The following NF2 variants were observed in gnomAD, a reference collection of about 807,000 sequenced individuals.
NF2 encodes merlin.
In NF2, 8 loss-of-function variants were observed where a neutral mutation model predicts 83.7. That is an observed-to-expected ratio of 0.10 (90% CI 0.06 to 0.17). NF2 has a LOEUF of 0.17. Ranked by LOEUF, NF2 falls within the 10% of genes least tolerant of loss-of-function variation. The pLI, the probability that NF2 is intolerant of heterozygous loss-of-function variation, is 1.00. For synonymous variants in NF2, 266 were observed against 269.6 expected, an observed-to-expected ratio of 0.99 and a Z score of 0.13; for missense variants, 533 against 744.4, an observed-to-expected ratio of 0.72 and a Z score of 3.31.
chr22:29,691,166 A>C (rs920470479), intron 15 of NF2, among the ~76,000 whole-genome samples: 100 of 152,206 alleles, frequency 6.6e-4, no homozygotes, highest in Non-Finnish European at 2.2e-4. Context: ...CTCATTGTGC[A>C]TGCGAGGAAT....
Position 29,610,849 on chromosome 22 carries a change from A to G in NF2, c.114+6737A>G, listed in dbSNP as rs1039558811. ...TGGTATTACCCTGTTGCCAAAAACC[A>G]GGAAAAGACATTACAAGAAAAGAAA... On this transcript the variant is annotated intron_variant, in intron 1 of 15. Coordinates refer to ENST00000338641, the MANE Select transcript of NF2 (RefSeq NM_000268.4). 2.0e-5 allele frequency among the ~76,000 whole-genome samples: 3 copies of G among 152,184 alleles called. No individual in the cohort carries two copies. In the East Asian group the frequency reaches 5.8e-4, roughly 29 times the overall value.
chr22:29,614,254 C>G (rs557696815), intron 1 of NF2, among the ~76,000 whole-genome samples: 2 of 149,608 alleles, frequency 1.3e-5, no homozygotes, highest in Admixed American at 1.3e-4. Flanking sequence ...CGAGGCTGGC[C>G]AACATGGTGA....
intron 1 of NF2, among the ~76,000 whole-genome samples, chr22:29,625,642 A>C (rs2065347470): frequency 6.6e-6 from 1 of 152,200 alleles, no homozygotes; most frequent in Admixed American, 6.5e-5. Flanking sequence ...GGACATTTTT[A>C]GCGTGTCAAA....
intron 3 of NF2, among the ~76,000 whole-genome samples, chr22:29,640,588 G>T (rs1298639536): frequency 6.6e-6 from 1 of 152,072 alleles, no homozygotes; most frequent in East Asian, 1.9e-4. Flanking sequence ...GTGCTCAAAG[G>T]TTTCAGTAAT....
chr22:29,683,788 A>C, intron 15 of NF2: 1 of 1,062,846 alleles, frequency 9.4e-7, no homozygotes, highest in South Asian at 4.6e-5. Context: ...AGGAGCGGTC[A>C]CTGGTTGCTG....
chr22:29,617,909 G>A (rs538036574), intron 1 of NF2, among the ~76,000 whole-genome samples: 4 of 152,310 alleles, frequency 2.6e-5, no homozygotes, highest in East Asian at 1.9e-4. Context: ...CTTTGGACAA[G>A]TTACATAGCT....
rs574816992 is a variant in NF2, at chr22:29,690,031, G to A, written c.1738-4721G>A. 7.2e-5 allele frequency among the ~76,000 whole-genome samples: 11 copies of A among 152,330 alleles called. No individual in the cohort carries two copies. In the East Asian group the frequency reaches 1.7e-3, roughly 24 times the overall value. ...TTTCCAGCAGGGGGCACTCAGGAAC[G>A]ATGCTGGCGGAGGCTTTGTAGCTGG... On this transcript the variant is annotated intron_variant, in intron 15 of 15. Transcript: ENST00000338641.
At position 29,694,052 on chromosome 22, in the gene NF2, C is replaced by T. The variant is rs1308145700; in HGVS notation, c.1738-700C>T. Among the ~76,000 whole-genome samples the T allele has an allele frequency of 6.6e-6, 1 of 152,226 alleles. No individual in the cohort carries two copies. Among genetic ancestry groups the T allele is most frequent in the Non-Finnish European group, 1.5e-5 (1 of 68,032 alleles). On this transcript the variant is annotated intron_variant, in intron 15 of 15. Coordinates refer to ENST00000338641, the MANE Select transcript of NF2 (RefSeq NM_000268.4). This position sits in a 1 kb window ranked among gnomAD's most constrained non-coding sequence, Gnocchi z 4.1. ...GAGCTCGGTCCCTGATCCACCCCAT[C>T]CCCTTCCACATCTCCCTGACTGTCC...
chr22:29,618,466 T>A (rs1218794929), intron 1 of NF2, among the ~76,000 whole-genome samples: 1 of 151,996 alleles, frequency 6.6e-6, no homozygotes, highest in Non-Finnish European at 1.5e-5. Context: ...ACTGCAGAGA[T>A]AGGGGGAAAA....
chr22:29,606,767 G>A (rs1224354076), intron 1 of NF2, among the ~76,000 whole-genome samples: 3 of 152,250 alleles, frequency 2.0e-5, no homozygotes, highest in East Asian at 1.9e-4. Context: ...AACATTGACC[G>A]CAGCATGGTG....
At chr22:29,644,961 G>C (rs2065943679) in intron 4 of NF2, among the ~76,000 whole-genome samples, 1 of 152,128 alleles carries the variant, frequency 6.6e-6, no homozygotes, top group Admixed American at 6.5e-5. Flanking sequence ...TGGGGAGAGG[G>C]AGAGGGAGAG....
intron 12 of NF2, 73 bp from the exon 13 acceptor site, chr22:29,674,763 C>T: frequency 7.4e-7 from 1 of 1,351,388 alleles, no homozygotes; most frequent in South Asian, 1.3e-5. Flanking sequence ...CCCTCCTCTG[C>T]AGGGGTGGGG....
At chr22:29,631,738 G>A (rs1317984597) in intron 1 of NF2, among the ~76,000 whole-genome samples, 4 of 152,152 alleles carry the variant, frequency 2.6e-5, no homozygotes, top group Non-Finnish European at 5.9e-5. Context: ...GTATTTATTT[G>A]CTATGGGCCA....
intron 4 of NF2, among the ~76,000 whole-genome samples, chr22:29,651,298 CTT>C (rs1569291155): frequency 1.3e-5 from 2 of 152,178 alleles, no homozygotes; most frequent in Non-Finnish European, 2.9e-5. Context: ...CTCCACAAGT[CTT>C]TTAAATGGTA....
intron 1 of NF2, among the ~76,000 whole-genome samples, chr22:29,607,838 G>T (rs1261749433): frequency 6.6e-6 from 1 of 152,032 alleles, no homozygotes; most frequent in Non-Finnish European, 1.5e-5. Context: ...TAAAGATATA[G>T]AAATTATAAA....
Position 29,640,194 on chromosome 22 carries a change from TAAAAA to T in NF2, c.363+1003_363+1007del, listed in dbSNP as rs11379333. Among the ~76,000 whole-genome samples the T allele has an allele frequency of 1.7e-3, 159 of 92,794 alleles. 2 individuals are homozygous for T. Among genetic ancestry groups the T allele is most frequent in the Middle Eastern group, 6.2e-3 (1 of 162 alleles). The allele number at this position is 92,794 out of a possible 152,430, so 60.9% of individuals were successfully genotyped here. A position where few individuals can be genotyped will look rare whatever the true frequency, so the allele number is the denominator to read the frequency against. Reference sequence around the variant, plus strand: ...TGGGTGACAGAGTGAGACTCTGTCTTAAAAAAAAAAAAAAAAAAAAAAAAAGAGGA... The same window carrying T: ...TGGGTGACAGAGTGAGACTCTGTCTTAAAAAAAAAAAAAAAAAAAAGAGGA... On this transcript the variant is annotated intron_variant, in intron 3 of 15. Transcript: ENST00000338641.
At chr22:29,640,948 A>G (rs2065791944) in intron 3 of NF2, among the ~76,000 whole-genome samples, 3 of 152,076 alleles carry the variant, frequency 2.0e-5, no homozygotes, top group African/African-American at 7.2e-5. Flanking sequence ...ACCCTGACCA[A>G]CATGGAGAAA....
intron 4 of NF2, among the ~76,000 whole-genome samples, chr22:29,649,175 A>G (rs1484467211): frequency 6.6e-6 from 1 of 152,192 alleles, no homozygotes; most frequent in African/African-American, 2.4e-5. Context: ...AAAAGGCCAC[A>G]TATTTTATGC....
chr22:29,630,840 C>T lies in NF2; in HGVS notation c.115-5911C>T, dbSNP rs145142999. Among the ~76,000 whole-genome samples, 635 of 152,304 alleles carry T rather than the reference C, an allele frequency of 4.2e-3. 10 individuals are homozygous for T. In the Middle Eastern group the frequency reaches 0.044, roughly 11 times the overall value. Reference sequence around the variant, plus strand: ...ATGAGCATTTAATCAGAACCAGGAGCTGTTCTTTTGGCAACCTGTTGAGGA... The same window carrying T: ...ATGAGCATTTAATCAGAACCAGGAGTTGTTCTTTTGGCAACCTGTTGAGGA... On this transcript the variant is annotated intron_variant, in intron 1 of 15. Coordinates refer to ENST00000338641, the MANE Select transcript of NF2 (RefSeq NM_000268.4).
Sources: gnomAD v4.1 joint callset for allele counts (sites outside exome capture counted in the v4.1 genomes callset) on GRCh38, gnomAD v4.1.1 for gene constraint, Gnocchi (gnomAD v3.1) non-coding constraint, MANE v1.5 for transcripts, NCBI Gene and HGNC (gene_info 2026-07-23, HGNC 2026-07-21) for gene names.